ARHGAP22: variants seen among roughly 807,000 people sequenced by gnomAD.
ARHGAP22 encodes the protein rho GTPase-activating protein 22.
Under a neutral mutation model 59.1 loss-of-function variants are expected in ARHGAP22, and 48 were observed. The ratio of observed to expected loss-of-function variants is 0.81; its 90% CI spans 0.64 to 1.03. The LOEUF (loss-of-function observed/expected upper bound fraction) is 1.03, where lower values mean the gene tolerates loss of function less well. Among genes scored for constraint, ARHGAP22 ranks in the 50% least tolerant of loss-of-function variants. The pLI is 0.00. For missense variants in ARHGAP22, 1,015 were observed against 958.7 expected, an observed-to-expected ratio of 1.06 and a Z score of -0.78; for synonymous variants, 445 against 416.4, an observed-to-expected ratio of 1.07 and a Z score of -0.84.
intron 1 of ARHGAP22, among the ~76,000 whole-genome samples, chr10:48,596,680 C>G (rs1458480277): frequency 6.6e-6 from 1 of 152,236 alleles, no homozygotes; most frequent in Admixed American, 6.5e-5. Context: ...TGAAAACCCA[C>G]CCTCTGAGAA....
chr10:48,510,146 G>A (rs1013099103), intron 3 of ARHGAP22, among the ~76,000 whole-genome samples: 37 of 152,206 alleles, frequency 2.4e-4, no homozygotes, highest in African/African-American at 8.4e-4. Flanking sequence ...TGAGAACCCA[G>A]GGCACAGTAA....
chr10:48,445,578 G>C (rs10776600), downstream of ARHGAP22: 83,671 of 152,574 alleles, frequency 0.55, 23,493 homozygotes, highest in Middle Eastern at 0.75. Context: ...GAGCTGGGCA[G>C]GCGCCCAGAG....
intron 3 of ARHGAP22, among the ~76,000 whole-genome samples, chr10:48,516,651 T>C (rs1293876148): frequency 6.6e-6 from 1 of 152,042 alleles, no homozygotes; most frequent in Non-Finnish European, 1.5e-5. Context: ...AAAAAGAAAT[T>C]TAAAATTTGT....
intron 1 of ARHGAP22, among the ~76,000 whole-genome samples, chr10:48,594,516 C>T (rs1289773037): frequency 6.6e-6 from 1 of 152,224 alleles, no homozygotes; most frequent in Non-Finnish European, 1.5e-5. Flanking sequence ...TGGAGCTCTG[C>T]CCAAATTCTC....
chr10:48,577,669 C>G lies in ARHGAP22; in HGVS notation c.234+5284G>C, dbSNP rs187968505. On this transcript the variant is annotated intron_variant, in intron 2 of 9. Coordinates refer to ENST00000249601, the MANE Select transcript of ARHGAP22 (RefSeq NM_021226.4). ...TATTCCACCAAGAAAGGGCCAGAGT[C>G]CCCATTATAAAGGGCTCCCTTTTAT... Among the ~76,000 whole-genome samples the G allele has an allele frequency of 2.0e-3, 301 of 149,560 alleles. 1 individual carries two copies. Among genetic ancestry groups the G allele is most frequent in the Non-Finnish European group, 4.0e-3 (270 of 67,672 alleles).
chr10:48,647,239 CA>C (rs1251974644), intron 1 of ARHGAP22, among the ~76,000 whole-genome samples: 1 of 152,034 alleles, frequency 6.6e-6, no homozygotes, highest in Non-Finnish European at 1.5e-5. Flanking sequence ...ACTAAAAAGA[CA>C]ATAACTAGCT....
At chr10:48,552,704 G>C (rs886542344) in intron 3 of ARHGAP22, among the ~76,000 whole-genome samples, 1 of 152,230 alleles carries the variant, frequency 6.6e-6, no homozygotes, top group Non-Finnish European at 1.5e-5. Context: ...GCCCTGCAAG[G>C]CTGGCTCAAA....
intron 4 of ARHGAP22, among the ~76,000 whole-genome samples, chr10:48,469,765 C>T (rs1389273205): frequency 1.3e-5 from 2 of 152,212 alleles, no homozygotes; most frequent in Non-Finnish European, 2.9e-5. Flanking sequence ...AGCTCCCTTC[C>T]TCTTCTCTCA....
At chr10:48,591,855 T>C (rs570145242) in intron 1 of ARHGAP22, among the ~76,000 whole-genome samples, 4 of 151,834 alleles carry the variant, frequency 2.6e-5, no homozygotes, top group African/African-American at 9.7e-5. Context: ...GCTTGGACAA[T>C]AGAGCAAGAC....
intron 3 of ARHGAP22, among the ~76,000 whole-genome samples, chr10:48,490,822 C>T (rs1470687455): frequency 2.6e-5 from 4 of 152,236 alleles, no homozygotes; most frequent in African/African-American, 9.6e-5. Flanking sequence ...CACCTCCCAT[C>T]TGCCTACACC....
downstream of ARHGAP22, among the ~76,000 whole-genome samples, chr10:48,443,306 T>C (rs1867584): frequency 0.55 from 83,319 of 151,960 alleles, 23,773 homozygotes; most frequent in Middle Eastern, 0.75. Flanking sequence ...AGCTCTCAAA[T>C]GCTTTCCTAT....
chr10:48,559,893 A>G (rs901859872), intron 2 of ARHGAP22, among the ~76,000 whole-genome samples: 1 of 152,216 alleles, frequency 6.6e-6, no homozygotes, highest in African/African-American at 2.4e-5. Flanking sequence ...TCAGATTTAC[A>G]TTGCAAGTTT....
At chr10:48,621,859 T>C (rs1303040283) in intron 1 of ARHGAP22, among the ~76,000 whole-genome samples, 1 of 152,226 alleles carries the variant, frequency 6.6e-6, no homozygotes, top group African/African-American at 2.4e-5. Context: ...TATTGTTATA[T>C]CTTCTTGAAA....
chr10:48,556,341 A>G (rs1052998024), intron 2 of ARHGAP22, among the ~76,000 whole-genome samples: 1 of 152,178 alleles, frequency 6.6e-6, no homozygotes, highest in Non-Finnish European at 1.5e-5. Flanking sequence ...CCTACTCAAG[A>G]GAATGAGGTG....
At chr10:48,624,935 G>A (rs1479681468) in intron 1 of ARHGAP22, 1 of 152,274 alleles carries the variant, frequency 6.6e-6, no homozygotes, top group East Asian at 1.9e-4. Context: ...CCTATGTAAG[G>A]TGGACAGTGA....
At chr10:48,544,878 ATG>A (rs1216770813) in intron 3 of ARHGAP22, among the ~76,000 whole-genome samples, 1 of 152,256 alleles carries the variant, frequency 6.6e-6, no homozygotes, top group Non-Finnish European at 1.5e-5. Context: ...TACAATTATT[ATG>A]TGTCAATTTA....
At chr10:48,541,919 G>A (rs1471329534) in intron 3 of ARHGAP22, among the ~76,000 whole-genome samples, 5 of 152,212 alleles carry the variant, frequency 3.3e-5, no homozygotes, top group Non-Finnish European at 5.9e-5. Flanking sequence ...CCCCTTTGCC[G>A]TATTGGATCA....
At chr10:48,502,578 G>A (rs2051636684) in intron 3 of ARHGAP22, among the ~76,000 whole-genome samples, 1 of 152,090 alleles carries the variant, frequency 6.6e-6, no homozygotes, top group South Asian at 2.1e-4. Context: ...CTTGCTTATT[G>A]CCAGGAAGCA....
At chr10:48,493,462 T>C (rs1443733444) in intron 3 of ARHGAP22, 2 of 1,535,956 alleles carry the variant, frequency 1.3e-6, no homozygotes, top group Non-Finnish European at 1.7e-6. Context: ...CCTGCTCCTC[T>C]TCAGACACCT....
Sources: gnomAD v4.1 joint callset for allele counts (sites outside exome capture counted in the v4.1 genomes callset) on GRCh38, gnomAD v4.1.1 for gene constraint, MANE v1.5 for transcripts, NCBI Gene and HGNC (gene_info 2026-07-23, HGNC 2026-07-21) for gene names.